The following EPYC variants were observed in gnomAD, a reference collection of about 807,000 sequenced individuals.
The protein encoded by EPYC is dermatan sulfate proteoglycan 3.
A neutral mutation model predicts 30.1 loss-of-function variants in EPYC; 28 were observed. The observed-to-expected ratio is 0.93, with a 90% CI of 0.69 to 1.28. EPYC has a LOEUF of 1.28. Ranked by LOEUF, EPYC falls within the 50% of genes most tolerant of loss-of-function variation. The probability of loss-of-function intolerance (pLI) is 0.00; values close to 1 mark genes in which losing one functional copy is unlikely to be tolerated. For synonymous variants in EPYC, 144 were observed against 141.4 expected, an observed-to-expected ratio of 1.02 and a Z score of -0.13; for missense variants, 382 against 383.5, an observed-to-expected ratio of 1.00 and a Z score of 0.03.
At chr12:90,993,370 A>T (rs1288012014) in intron 2 of EPYC, among the ~76,000 whole-genome samples, 1 of 152,076 alleles carries the variant, frequency 6.6e-6, no homozygotes, top group Non-Finnish European at 1.5e-5. Flanking sequence ...TCATGCATTA[A>T]ATTTAGGGGG....
At chr12:90,981,482 C>T (rs1877323867) in intron 2 of EPYC, among the ~76,000 whole-genome samples, 1 of 152,102 alleles carries the variant, frequency 6.6e-6, no homozygotes, top group East Asian at 1.9e-4. Context: ...TTCTGATAAT[C>T]ACCATTGTTG....
chr12:90,981,589 A>T (rs1345278696), intron 2 of EPYC, among the ~76,000 whole-genome samples: 1 of 152,154 alleles, frequency 6.6e-6, no homozygotes, highest in African/African-American at 2.4e-5. Context: ...TTTGCCCCTT[A>T]GCAGAAAGTG....
chr12:90,992,119 T>C (rs1877599280), intron 2 of EPYC, among the ~76,000 whole-genome samples: 1 of 152,156 alleles, frequency 6.6e-6, no homozygotes, highest in South Asian at 2.1e-4. Context: ...CTGTTCTGCC[T>C]CAGATCATCA....
chr12:91,001,713 T>G (rs1368632232), intron 2 of EPYC, among the ~76,000 whole-genome samples: 1 of 152,106 alleles, frequency 6.6e-6, no homozygotes, highest in African/African-American at 2.4e-5. Flanking sequence ...TTCTTCTAGT[T>G]TATTTCAATC....
Position 91,002,582 on chromosome 12 carries a change from A to G in EPYC, c.-13-4T>C. On this transcript the variant is annotated splice_polypyrimidine_tract_variant and splice_region_variant and intron_variant, in intron 1 of 6. Coordinates refer to ENST00000261172, the MANE Select transcript of EPYC (RefSeq NM_004950.5). ...TGTCTTCATTTTTCAAGCTTTCCTA[A>G]TTATAAAATATTAAAATGCATAAAT... is the stretch of plus-strand genomic sequence containing the variant. The G allele has an allele frequency of 1.3e-6, 2 of 1,581,858 alleles. No homozygotes were observed. The highest frequency in any genetic ancestry group is 1.4e-5 in the African/African-American group (1 of 73,116).
chr12:91,003,135 T>C (rs1014721390), intron 1 of EPYC, among the ~76,000 whole-genome samples: 5 of 152,142 alleles, frequency 3.3e-5, no homozygotes, highest in African/African-American at 1.2e-4. Flanking sequence ...CATAACTGTT[T>C]CTTGTACATT....
chr12:90,986,149 T>G (rs1163394104), intron 2 of EPYC, among the ~76,000 whole-genome samples: 1 of 151,912 alleles, frequency 6.6e-6, no homozygotes, highest in Admixed American at 6.6e-5. Context: ...CCATTTGTTG[T>G]CCCCTGCTTG....
chr12:90,965,160 C>T (rs931432838), intron 6 of EPYC, among the ~76,000 whole-genome samples: 1 of 152,102 alleles, frequency 6.6e-6, no homozygotes. Flanking sequence ...TTTCAAAGTT[C>T]ATACATGTTG....
intron 2 of EPYC, among the ~76,000 whole-genome samples, chr12:90,990,311 T>C (rs1877552496): frequency 6.6e-6 from 1 of 152,086 alleles, no homozygotes; most frequent in Admixed American, 6.6e-5. Flanking sequence ...CTAGTATTTA[T>C]ACATAATGAC....
At chr12:90,990,167 A>C (rs1172246717) in intron 2 of EPYC, among the ~76,000 whole-genome samples, 1 of 152,052 alleles carries the variant, frequency 6.6e-6, no homozygotes, top group Non-Finnish European at 1.5e-5. Context: ...TTTATTTCTG[A>C]TGGAGTAATT....
intron 2 of EPYC, among the ~76,000 whole-genome samples, chr12:90,997,021 T>C (rs1000399016): frequency 5.3e-5 from 8 of 152,088 alleles, no homozygotes; most frequent in Non-Finnish European, 1.0e-4. Flanking sequence ...CAAGCCATAA[T>C]GACAAGCACA....
intron 2 of EPYC, among the ~76,000 whole-genome samples, chr12:90,992,961 G>T (rs1211208178): frequency 6.6e-6 from 1 of 151,834 alleles, no homozygotes; most frequent in Non-Finnish European, 1.5e-5. Context: ...TTTTGGTGGG[G>T]CATTTCTCCA....
At chr12:90,999,240 T>G (rs1877766396) in intron 2 of EPYC, among the ~76,000 whole-genome samples, 1 of 152,052 alleles carries the variant, frequency 6.6e-6, no homozygotes. Flanking sequence ...ATGGGACTTT[T>G]AGGGAACATC....
At chr12:90,992,065 T>C (rs1877598136) in intron 2 of EPYC, among the ~76,000 whole-genome samples, 1 of 152,180 alleles carries the variant, frequency 6.6e-6, no homozygotes, top group Admixed American at 6.5e-5. Context: ...GGGACTGGTT[T>C]TGTGGAAGAC....
At chr12:90,966,700 G>A (rs958226120) in intron 6 of EPYC, among the ~76,000 whole-genome samples, 1 of 152,078 alleles carries the variant, frequency 6.6e-6, no homozygotes, top group African/African-American at 2.4e-5. Context: ...GAAATAGTTT[G>A]TGAAAGATTG....
chr12:90,971,672 C>CAATA (rs57567044), intron 5 of EPYC, 128 bp downstream of exon 5: 102,645 of 196,924 alleles, frequency 0.52, 28,461 homozygotes, highest in South Asian at 0.67. Flanking sequence ...GACCCTATCT[C>CAATA]AATAAATAAA....
Position 90,964,194 on chromosome 12 carries a change from T to G in EPYC, c.931A>C (p.Met311Leu). 4 of 1,613,342 alleles carry G rather than the reference T, an allele frequency of 2.5e-6. No homozygotes were observed. The highest frequency in any genetic ancestry group is 3.4e-6 in the Non-Finnish European group (4 of 1,179,484). Reference sequence around the variant, plus strand: ...CCAACAGGCAGACGAGGTAGACACATGTATGCTTGAGGAGTTTTGCTGAGA... The same window carrying G: ...CCAACAGGCAGACGAGGTAGACACAGGTATGCTTGAGGAGTTTTGCTGAGA... Reference protein sequence around the residue: ...INLSKTPQAYMCLPRLPVGSL... With the variant: ...INLSKTPQAYLCLPRLPVGSL... The change falls in exon 7 of 7, where the codon ATG becomes CTG. Residue 311 changes from methionine (M) to leucine (L), a missense_variant. Coordinates refer to ENST00000261172, the MANE Select transcript of EPYC (RefSeq NM_004950.5).
chr12:90,979,197 G>A (rs1877268526), intron 2 of EPYC, among the ~76,000 whole-genome samples: 1 of 151,966 alleles, frequency 6.6e-6, no homozygotes, highest in East Asian at 1.9e-4. Flanking sequence ...TTCTCTGACG[G>A]TCTCGTAAGC....
intron 3 of EPYC, among the ~76,000 whole-genome samples, chr12:90,976,249 A>G (rs1187967849): frequency 1.3e-5 from 2 of 152,234 alleles, no homozygotes; most frequent in South Asian, 2.1e-4. Flanking sequence ...GAGGTCTGCT[A>G]TATCATACTA....
Sources: gnomAD v4.1 joint callset for allele counts (sites outside exome capture counted in the v4.1 genomes callset) on GRCh38, gnomAD v4.1.1 for gene constraint, MANE v1.5 for transcripts, NCBI Gene and HGNC (gene_info 2026-07-23, HGNC 2026-07-21) for gene names.